PIP5K1B: variants seen among roughly 807,000 people sequenced by gnomAD.
PIP5K1B encodes phosphatidylinositol-4-phosphate 5-kinase type 1 beta, also known as phosphatidylinositol 4-phosphate 5-kinase type-1 beta.
PIP5K1B carries 42 observed loss-of-function variants against 67.0 expected under a neutral mutation model. The observed-to-expected ratio is 0.63, with a 90% CI of 0.49 to 0.81. PIP5K1B has a LOEUF of 0.81. Among genes scored for constraint, PIP5K1B ranks in the 30% least tolerant of loss-of-function variants. The probability of loss-of-function intolerance (pLI) is 0.00; values close to 1 mark genes in which losing one functional copy is unlikely to be tolerated. For synonymous variants in PIP5K1B, 214 were observed against 231.4 expected (o/e 0.92, Z 0.68); for missense variants, 459 against 646.3 (o/e 0.71, Z 3.14).
intron 5 of PIP5K1B, among the ~76,000 whole-genome samples, chr9:68,869,422 A>G (rs1823518028): frequency 6.6e-6 from 1 of 152,132 alleles, no homozygotes. Context: ...CTGTGGAAAA[A>G]TTGTCTTCCA....
chr9:68,894,641 A>G lies in PIP5K1B; in HGVS notation c.771+3A>G, dbSNP rs1384414284. ...AAACACTTCAGAGAGACTGCCGGGT[A>G]AGGAAGTTTGATTGTTGTGATTTCC... On this transcript the variant is annotated splice_donor_region_variant and intron_variant, in intron 8 of 15. Transcript: ENST00000265382. 6.2e-7 allele frequency: 1 copy of G among 1,612,572 alleles called. No homozygotes were observed. Among genetic ancestry groups the G allele is most frequent in the Non-Finnish European group, 8.5e-7 (1 of 1,178,862 alleles).
At chr9:68,876,626 C>A (rs1203470080) in intron 5 of PIP5K1B, 51 bp from the exon 6 acceptor site, 1 of 1,004,786 alleles carries the variant, frequency 1.0e-6, no homozygotes, top group Non-Finnish European at 1.6e-6. Context: ...TCAAAATTGT[C>A]CTTGCTAATG....
chr9:68,974,824 T>G (rs891640743), intron 14 of PIP5K1B, among the ~76,000 whole-genome samples: 1 of 152,240 alleles, frequency 6.6e-6, no homozygotes, highest in African/African-American at 2.4e-5. Context: ...TTCATATTAT[T>G]TTTTCAGCAG....
At chr9:68,856,602 A>T (rs1822791249) in intron 4 of PIP5K1B, among the ~76,000 whole-genome samples, 1 of 152,126 alleles carries the variant, frequency 6.6e-6, no homozygotes. Flanking sequence ...TGTCTGTTTA[A>T]TGTCTCTTTC....
chr9:68,996,692 A>G (rs533829116), intron 15 of PIP5K1B, among the ~76,000 whole-genome samples: 2 of 152,326 alleles, frequency 1.3e-5, no homozygotes, highest in South Asian at 2.1e-4. Flanking sequence ...GTAGAATGCA[A>G]TTTGGTTTTC....
chr9:68,945,976 CATT>C, intron 14 of PIP5K1B, among the ~76,000 whole-genome samples: 1 of 152,132 alleles, frequency 6.6e-6, no homozygotes, highest in Admixed American at 6.5e-5. Context: ...AAAAATTTAA[CATT>C]AATTTAAATT....
intron 7 of PIP5K1B, among the ~76,000 whole-genome samples, chr9:68,893,825 A>C (rs1824942149): frequency 6.6e-6 from 1 of 152,188 alleles, no homozygotes; most frequent in Non-Finnish European, 1.5e-5. Flanking sequence ...ATTTTTAAAA[A>C]CAGGTTTCTA....
At chr9:68,829,771 T>C (rs1834182386) in intron 4 of PIP5K1B, among the ~76,000 whole-genome samples, 1 of 152,244 alleles carries the variant, frequency 6.6e-6, no homozygotes, top group Non-Finnish European at 1.5e-5. Context: ...CTACCCAAGC[T>C]GGCTTATAGT....
intron 12 of PIP5K1B, among the ~76,000 whole-genome samples, chr9:68,933,283 A>AAAAAT (rs10659430): frequency 0.8 from 119,087 of 149,724 alleles, 50,501 homozygotes; most frequent in South Asian, 0.94. Context: ...GAACTTAAAG[A>AAAAAT]AAAATAAAAT....
At chr9:68,768,348 G>C (rs1319578784) in intron 2 of PIP5K1B, among the ~76,000 whole-genome samples, 1 of 152,198 alleles carries the variant, frequency 6.6e-6, no homozygotes, top group Non-Finnish European at 1.5e-5. Flanking sequence ...CCTACACTAA[G>C]TGCTGCAGGA....
intron 2 of PIP5K1B, among the ~76,000 whole-genome samples, chr9:68,816,733 G>A (rs117526073): frequency 2.8e-3 from 423 of 152,172 alleles, no homozygotes; most frequent in Non-Finnish European, 4.1e-3. Context: ...GTCCATCTGG[G>A]GCAATATTCC....
rs186213852 is a variant in PIP5K1B at position 68,734,988 on chromosome 9, G to T, written c.-242-7513G>T. 2.0e-5 allele frequency among the ~76,000 whole-genome samples: 3 copies of T among 152,282 alleles called. No individual in the cohort carries two copies. In the East Asian group the frequency reaches 5.8e-4, roughly 29 times the overall value. On this transcript the variant is annotated intron_variant, in intron 1 of 15. Coordinates refer to ENST00000265382, the MANE Select transcript of PIP5K1B (RefSeq NM_003558.4). ...ACCTAGTGCCTTTCGGCCTATTTTT[G>T]TCACTTTTCAGAATACAACAAATAA...
At position 68,940,735 on chromosome 9, in the gene PIP5K1B, T is replaced by C; in HGVS notation, c.1447T>C (p.Ser483Pro). The C allele has an allele frequency of 6.2e-7, 1 of 1,614,008 alleles. No homozygotes were observed. The change falls in exon 14 of 16, where the codon TCC becomes CCC. Residue 483 changes from serine to proline, a missense_variant. Physicochemically the swap from Ser to Pro is moderately conservative, Grantham distance 74. This residue lies in a region of PIP5K1B where 169 missense variants were observed against 171.9 expected (regional missense o/e 0.98). Transcript: ENST00000265382. ...ASLATTISSSSLYVNEHYPHD... is the reference protein window; with the variant it reads ...ASLATTISSSPLYVNEHYPHD... ...CTTGGCAACCACAATTTCATCTTCT[T>C]CCTTATACGTCAATGAGCACTATCC...
intron 5 of PIP5K1B, among the ~76,000 whole-genome samples, chr9:68,871,722 G>C (rs1823634779): frequency 6.6e-6 from 1 of 152,156 alleles, no homozygotes; most frequent in Admixed American, 6.6e-5. Flanking sequence ...ACGTGTGCTT[G>C]CTTAATTGTT....
chr9:68,839,875 G>A (rs1821826520), intron 4 of PIP5K1B, among the ~76,000 whole-genome samples: 1 of 152,098 alleles, frequency 6.6e-6, no homozygotes, highest in South Asian at 2.1e-4. Context: ...TACCCAGATG[G>A]CCAAGTGTGT....
chr9:68,828,946 A>G (rs1332473193), intron 4 of PIP5K1B, among the ~76,000 whole-genome samples: 3 of 151,872 alleles, frequency 2.0e-5, no homozygotes, highest in Admixed American at 6.6e-5. Flanking sequence ...TACTAAAAAT[A>G]CAAAAATTTG....
chr9:68,709,374 A>T (rs1379592320), intron 1 of PIP5K1B, among the ~76,000 whole-genome samples: 2 of 152,008 alleles, frequency 1.3e-5, no homozygotes, highest in African/African-American at 2.4e-5. Context: ...CTGCAACAAC[A>T]GGCACGCACT....
chr9:68,967,622 A>G (rs1356381624), intron 14 of PIP5K1B, among the ~76,000 whole-genome samples: 2 of 152,178 alleles, frequency 1.3e-5, no homozygotes, highest in East Asian at 3.8e-4. Flanking sequence ...ACCCTCTCCC[A>G]GACACTGCTA....
At chr9:68,735,783 A>G (rs1828708599) in intron 1 of PIP5K1B, among the ~76,000 whole-genome samples, 1 of 152,146 alleles carries the variant, frequency 6.6e-6, no homozygotes, top group African/African-American at 2.4e-5. Context: ...GAATGATGGG[A>G]CTGTTACTTA....
Sources: gnomAD v4.1 joint callset for allele counts (sites outside exome capture counted in the v4.1 genomes callset) on GRCh38, gnomAD v4.1.1 for gene constraint, gnomAD v4.1.1 regional missense constraint, MANE v1.5 for transcripts, NCBI Gene and HGNC (gene_info 2026-07-23, HGNC 2026-07-21) for gene names.